Variants in CATSPERD observed in about 807,000 individuals in gnomAD.
CATSPERD encodes the protein cation channel sperm-associated auxiliary subunit delta.
In CATSPERD, 86 loss-of-function variants were observed where a neutral mutation model predicts 98.1. That is an observed-to-expected ratio of 0.88 (90% CI 0.74 to 1.05). The LOEUF (loss-of-function observed/expected upper bound fraction) is 1.05, where lower values mean the gene tolerates loss of function less well. Among genes scored for constraint, CATSPERD ranks in the 50% least tolerant of loss-of-function variants. The pLI is 0.00. For missense variants in CATSPERD, 995 were observed against 1,005.7 expected, an observed-to-expected ratio of 0.99 and a Z score of 0.14; for synonymous variants, 394 against 390.2, an observed-to-expected ratio of 1.01 and a Z score of -0.12.
chr19:5,774,816 A>G (rs2056711649), intron 20 of CATSPERD, among the ~76,000 whole-genome samples: 2 of 152,140 alleles, frequency 1.3e-5, no homozygotes, highest in African/African-American at 2.4e-5. Context: ...CAGGAGTTAG[A>G]GACCAGCCTG....
chr19:5,770,088 CAAAA>C (rs760375391), intron 18 of CATSPERD, among the ~76,000 whole-genome samples: 4 of 67,174 alleles, frequency 6.0e-5, no homozygotes, highest in Admixed American at 1.8e-4. Flanking sequence ...GACTCTGTCT[CAAAA>C]AAAAAAAAAA....
At chr19:5,738,352 C>CAAAAAAAAAA (rs767298084) in intron 6 of CATSPERD, among the ~76,000 whole-genome samples, 2 of 104,952 alleles carry the variant, frequency 1.9e-5, no homozygotes, top group African/African-American at 6.8e-5. Context: ...ACTCAAAATA[C>CAAAAAAAAAA]AAAAAAAAAA....
chr19:5,722,268 C>T (rs1265028935), intron 1 of CATSPERD, among the ~76,000 whole-genome samples: 2 of 152,088 alleles, frequency 1.3e-5, no homozygotes, highest in East Asian at 3.9e-4. Context: ...ATTATGGGCG[C>T]CTGCCACCAC....
In CATSPERD at chr19:5,778,583, G is replaced by T; in HGVS notation, c.2304G>T (p.Thr768=). 1.9e-6 allele frequency: 3 copies of T among 1,613,802 alleles called. No homozygotes were observed. The highest frequency in any genetic ancestry group is 2.5e-6 in the Non-Finnish European group (3 of 1,180,018). The change falls in exon 22 of 22, where the codon ACG becomes ACT. Residue 768 remains threonine (T), a synonymous_variant. Transcript: ENST00000381624. ...CACAGCTGTGTAGGAGATGCAAGAC[G>T]GTCTGCCAGTTCAGGGCCTCAGCCA... The part of the protein sequence containing the change: ...CATQLCRRCK[T]VCQFRASATA...
intron 20 of CATSPERD, among the ~76,000 whole-genome samples, chr19:5,773,847 C>A (rs2144692521): frequency 6.6e-6 from 1 of 152,078 alleles, no homozygotes; most frequent in South Asian, 2.1e-4. Flanking sequence ...ATGTCCTGTC[C>A]CTACAAAGAG....
chr19:5,766,753 C>CA (rs2056545681), intron 17 of CATSPERD, among the ~76,000 whole-genome samples: 1 of 150,932 alleles, frequency 6.6e-6, no homozygotes, highest in African/African-American at 2.4e-5. Flanking sequence ...AGTGCAGTGG[C>CA]ACGATCTTGA....
chr19:5,753,323 G>A (rs1040170607), intron 12 of CATSPERD, among the ~76,000 whole-genome samples: 4 of 152,010 alleles, frequency 2.6e-5, no homozygotes, highest in African/African-American at 9.7e-5. Context: ...CGCTTTGGGA[G>A]GCTAAGGTGG....
intron 2 of CATSPERD, among the ~76,000 whole-genome samples, 176 bp downstream of exon 2, chr19:5,725,038 G>A (rs367848159): frequency 3.3e-5 from 5 of 152,150 alleles, no homozygotes; most frequent in African/African-American, 1.2e-4. Context: ...CCATTTCACT[G>A]AGAAACAAGT....
intron 11 of CATSPERD, among the ~76,000 whole-genome samples, chr19:5,750,184 C>T (rs961929519): frequency 3.4e-5 from 5 of 149,226 alleles, no homozygotes; most frequent in African/African-American, 7.3e-5. Flanking sequence ...CGTGGTGGCT[C>T]ACGCCTGTAA....
chr19:5,771,579 T>A (rs1273167652), intron 19 of CATSPERD, among the ~76,000 whole-genome samples: 3 of 151,060 alleles, frequency 2.0e-5, no homozygotes, highest in East Asian at 3.9e-4. Context: ...GCTGTCTTCC[T>A]GTTCTTTTTT....
intron 15 of CATSPERD, among the ~76,000 whole-genome samples, chr19:5,761,073 G>A (rs1232813923): frequency 6.7e-6 from 1 of 148,198 alleles, no homozygotes; most frequent in African/African-American, 2.5e-5. Context: ...TTTCACTCTT[G>A]TTGCCCAGGC....
intron 15 of CATSPERD, among the ~76,000 whole-genome samples, chr19:5,760,177 G>A (rs966833871): frequency 6.7e-6 from 1 of 148,480 alleles, no homozygotes; most frequent in African/African-American, 2.5e-5. Flanking sequence ...GAGGCGGACA[G>A]CTCACAAGGT....
rs1474969668 is a variant in CATSPERD, at chr19:5,754,243, C to T, written c.1276C>T (p.Leu426=). ...CCAGCCAGGCACATCCCTGATTCCT[C>T]TGGTAAGTACATCTTAATGTTTCTG... ...IPQPGTSLIP[L]VMVSNPHSLG... is the part of the protein sequence containing the mutation. Residue 426 remains leucine, a splice_region_variant and synonymous_variant, in exon 13 of 22, where the codon CTG becomes TTG. Coordinates refer to ENST00000381624, the MANE Select transcript of CATSPERD (RefSeq NM_152784.4). 3.7e-6 allele frequency: 6 copies of T among 1,605,442 alleles called. No homozygotes were observed. Among genetic ancestry groups the T allele is most frequent in the Non-Finnish European group, 5.1e-6 (6 of 1,172,284 alleles).
chr19:5,749,198 A>G lies in CATSPERD; in HGVS notation c.987+15A>G, dbSNP rs1358930705. On this transcript the variant is annotated intron_variant, in intron 11 of 21. Transcript: ENST00000381624. Reference sequence around the variant, plus strand: ...CCATAATCAAAGTAGGTAAAAAGAAAGTGGGGTTATGGGCTGGGCACGGTG... The same window carrying G: ...CCATAATCAAAGTAGGTAAAAAGAAGGTGGGGTTATGGGCTGGGCACGGTG... 12 of 1,601,232 alleles carry G rather than the reference A, an allele frequency of 7.5e-6. No individual in the cohort carries two copies. The highest frequency in any genetic ancestry group is 9.4e-6 in the Non-Finnish European group (11 of 1,170,922).
chr19:5,730,721 C>T (rs946395419), intron 4 of CATSPERD, among the ~76,000 whole-genome samples: 1 of 151,116 alleles, frequency 6.6e-6, no homozygotes, highest in Non-Finnish European at 1.5e-5. Flanking sequence ...TCAATACCAC[C>T]AGCCTGGGCG....
Position 5,749,008 on chromosome 19 carries a change from G to A in CATSPERD, c.905-93G>A, listed in dbSNP as rs1305510178. 5 of 1,017,584 alleles carry A rather than the reference G, an allele frequency of 4.9e-6. No individual in the cohort carries two copies. In the East Asian group the frequency reaches 8.4e-5, roughly 17 times the overall value. 63.0% of individuals were successfully genotyped at this position (1,017,584 alleles called of 1,614,324 possible). A position where few individuals can be genotyped will look rare whatever the true frequency, so the allele number is the denominator to read the frequency against. ...GCCTCTCAAAGTGTTGGAATTACAG[G>A]CGTGAGCCACTGCACCCAACCACAC... is the stretch of plus-strand genomic sequence containing the variant. On this transcript the variant is annotated intron_variant, in intron 10 of 21. Transcript: ENST00000381624.
intron 17 of CATSPERD, among the ~76,000 whole-genome samples, chr19:5,767,846 G>C (rs1205098999): frequency 6.6e-6 from 1 of 151,678 alleles, no homozygotes; most frequent in Non-Finnish European, 1.5e-5. Context: ...ACCCAGGCAG[G>C]AGTGCAATGG....
chr19:5,720,963 C>T (rs979042016), intron 1 of CATSPERD, among the ~76,000 whole-genome samples, 155 bp downstream of exon 1: 6 of 152,022 alleles, frequency 3.9e-5, no homozygotes, highest in African/African-American at 1.4e-4. Context: ...CCTACTCCAC[C>T]CCATCCTCCC....
intron 15 of CATSPERD, among the ~76,000 whole-genome samples, chr19:5,761,052 T>C (rs892739246): frequency 6.6e-6 from 1 of 151,938 alleles, no homozygotes; most frequent in African/African-American, 2.4e-5. Flanking sequence ...GTTTTTTTTT[T>C]TGAGACGAAG....
Sources: gnomAD v4.1 joint callset for allele counts (sites outside exome capture counted in the v4.1 genomes callset) on GRCh38, gnomAD v4.1.1 for gene constraint, MANE v1.5 for transcripts, NCBI Gene and HGNC (gene_info 2026-07-23, HGNC 2026-07-21) for gene names.